Variants in SLC17A8 observed in about 807,000 individuals in gnomAD.
The protein encoded by SLC17A8 is vesicular glutamate transporter 3.
A neutral mutation model predicts 58.0 loss-of-function variants in SLC17A8; 31 were observed. The ratio of observed to expected loss-of-function variants is 0.53; its 90% CI spans 0.40 to 0.72. The LOEUF (loss-of-function observed/expected upper bound fraction) is 0.72, where lower values mean the gene tolerates loss of function less well. SLC17A8 is among the 30% of genes least tolerant of loss of function. SLC17A8 has a pLI of 0.00. For synonymous variants in SLC17A8, 228 were observed against 249.0 expected, an observed-to-expected ratio of 0.92 and a Z score of 0.79; for missense variants, 655 against 727.8, an observed-to-expected ratio of 0.90 and a Z score of 1.15.
rs143248116 is a variant in SLC17A8, at chr12:100,418,227, A to C, written c.1425+71A>C. 112 of 1,592,068 alleles carry C rather than the reference A, an allele frequency of 7.0e-5. 2 individuals are homozygous for C. The East Asian group carries it at 2.4e-3, about 34-fold the overall frequency. On this transcript the variant is annotated intron_variant, in intron 11 of 11. Transcript: ENST00000323346. ...GAGCTCTACACAAACTTGAGATTTCAAGGCTCTACTGCAGTCTGTAAATGT... is the reference window on the plus strand; with the variant it reads ...GAGCTCTACACAAACTTGAGATTTCCAGGCTCTACTGCAGTCTGTAAATGT...
intron 9 of SLC17A8, among the ~76,000 whole-genome samples, chr12:100,407,599 G>GTTTGTTTGT (rs71443520): frequency 6.7e-6 from 1 of 149,906 alleles, no homozygotes; most frequent in Non-Finnish European, 1.5e-5. Flanking sequence ...TTTTTTGTTT[G>GTTTGTTTGT]TTTGTTTTGT....
intron 9 of SLC17A8, among the ~76,000 whole-genome samples, chr12:100,411,723 T>A (rs141916599): frequency 0.013 from 1,922 of 152,274 alleles, 18 homozygotes; most frequent in Middle Eastern, 0.024. Context: ...GAGAAGGAAC[T>A]TCTTCATAAT....
chr12:100,360,078 G>A (rs947294301), intron 1 of SLC17A8, among the ~76,000 whole-genome samples: 6 of 152,152 alleles, frequency 3.9e-5, no homozygotes, highest in Middle Eastern at 3.2e-3. Flanking sequence ...TTGAGAGTTC[G>A]CACACAGGCT....
At chr12:100,391,170 AC>A in intron 3 of SLC17A8, 51 bp downstream of exon 3, 1 of 1,308,954 alleles carries the variant, frequency 7.6e-7, no homozygotes, top group Non-Finnish European at 1.1e-6. Flanking sequence ...GTGGCTTTGT[AC>A]CTATAAATTC....
rs983818434 is a variant in SLC17A8, at chr12:100,368,911, A to G, written c.101+11419A>G. ...CTTCTGCAAGGAAATATGTTGTATC[A>G]TTCAAAGTTCTTAGCTGCAATCAAC... On this transcript the variant is annotated intron_variant, in intron 1 of 11. Transcript: ENST00000323346. 2.6e-4 allele frequency among the ~76,000 whole-genome samples: 39 copies of G among 152,356 alleles called. 1 individual carries two copies. The highest frequency in any genetic ancestry group is 9.1e-4 in the African/African-American group (38 of 41,582).
rs1410390655 is a variant in SLC17A8 at position 100,386,741 on chromosome 12, T to G, written c.355-4260T>G. 4.0e-5 allele frequency among the ~76,000 whole-genome samples: 6 copies of G among 148,614 alleles called. No homozygotes were observed. In the East Asian group the frequency reaches 1.2e-3, roughly 30 times the overall value. ...TCTTACTCTGTCACCCAGGCTGGAG[T>G]GCAGTGGCACAATCTTGGCTCACTG... On this transcript the variant is annotated intron_variant, in intron 2 of 11. Transcript: ENST00000323346.
At chr12:100,400,142 C>T (rs569413006) in intron 5 of SLC17A8, among the ~76,000 whole-genome samples, 1 of 152,202 alleles carries the variant, frequency 6.6e-6, no homozygotes, top group South Asian at 2.1e-4. Context: ...CTCTACCTGC[C>T]CCTGTCCCAG....
At chr12:100,397,075 C>T (rs759170813) in intron 5 of SLC17A8, among the ~76,000 whole-genome samples, 1 of 152,154 alleles carries the variant, frequency 6.6e-6, no homozygotes, top group Non-Finnish European at 1.5e-5. Flanking sequence ...ATATGCTTTA[C>T]TAAATGCAGA....
chr12:100,359,151 A>C (rs1021819839), intron 1 of SLC17A8, among the ~76,000 whole-genome samples: 5 of 152,174 alleles, frequency 3.3e-5, no homozygotes, highest in Non-Finnish European at 5.9e-5. Context: ...TAAAAAAATA[A>C]AATAAATTTA....
intron 1 of SLC17A8, among the ~76,000 whole-genome samples, chr12:100,365,459 T>G (rs1566385541): frequency 6.6e-6 from 1 of 152,214 alleles, no homozygotes; most frequent in Admixed American, 6.5e-5. Context: ...CAGCCTAGAC[T>G]TGCTACAGAA....
intron 1 of SLC17A8, among the ~76,000 whole-genome samples, chr12:100,364,558 G>T (rs1418354977): frequency 1.3e-5 from 2 of 152,206 alleles, no homozygotes; most frequent in Non-Finnish European, 2.9e-5. Flanking sequence ...GAGGACGGAA[G>T]CTAGCTGACA....
At chr12:100,392,512 TTGTCTAATTTA>T (rs1952723946) in intron 3 of SLC17A8, among the ~76,000 whole-genome samples, 1 of 152,218 alleles carries the variant, frequency 6.6e-6, no homozygotes, top group African/African-American at 2.4e-5. Context: ...ATTTAGGTTC[TTGTCTAATTTA>T]TGTCTTTTAT....
At chr12:100,404,710 T>C (rs1952814760) in intron 9 of SLC17A8, among the ~76,000 whole-genome samples, 1 of 152,248 alleles carries the variant, frequency 6.6e-6, no homozygotes, top group East Asian at 1.9e-4. Context: ...AATTAACATT[T>C]ATTGAATGCT....
chr12:100,372,642 G>A (rs768105147), intron 1 of SLC17A8, among the ~76,000 whole-genome samples: 1 of 152,178 alleles, frequency 6.6e-6, no homozygotes, highest in Non-Finnish European at 1.5e-5. Context: ...GGTACTGGGG[G>A]TTAAGACTTC....
At chr12:100,379,416 C>T (rs935783326) in intron 1 of SLC17A8, among the ~76,000 whole-genome samples, 1 of 126,050 alleles carries the variant, frequency 7.9e-6, no homozygotes, top group Non-Finnish European at 1.6e-5. Context: ...AGCCTGGCAA[C>T]AGACCGAGAT....
At chr12:100,391,185 A>G in intron 3 of SLC17A8, 66 bp downstream of exon 3, 2 of 1,134,634 alleles carry the variant, frequency 1.8e-6, no homozygotes, top group South Asian at 2.5e-5. Context: ...TAAATTCTGC[A>G]TAGCTGGCTC....
intron 8 of SLC17A8, among the ~76,000 whole-genome samples, chr12:100,403,467 T>TC: frequency 7.6e-6 from 1 of 130,926 alleles, no homozygotes; most frequent in South Asian, 2.4e-4. Flanking sequence ...AGACTCTGTC[T>TC]AAAAAAAAAA....
At chr12:100,364,230 A>G (rs1218347649) in intron 1 of SLC17A8, among the ~76,000 whole-genome samples, 1 of 152,144 alleles carries the variant, frequency 6.6e-6, no homozygotes, top group Admixed American at 6.5e-5. Context: ...GAGAAATCAG[A>G]CACTGAATCC....
chr12:100,357,101 T>C lies in SLC17A8; in HGVS notation c.-291T>C, dbSNP rs546749373. The C allele has an allele frequency of 2.2e-4, 85 of 383,718 alleles. 2 individuals carry two copies. Among genetic ancestry groups the C allele is most frequent in the South Asian group, 1.3e-3 (60 of 46,360 alleles). The allele number at this position is 383,718 out of a possible 1,614,324, so 23.8% of individuals were successfully genotyped here. A position where few individuals can be genotyped will look rare whatever the true frequency, so the allele number is the denominator to read the frequency against. On this transcript the variant is annotated 5_prime_UTR_variant, in exon 1 of 12. Transcript: ENST00000323346. ...TCTGAGAGTGGCTGCCTGAGACAGC[T>C]GCCACAGGCTGCTGCAGAGCGTGCA... is the stretch of plus-strand genomic sequence containing the variant.
Sources: gnomAD v4.1 joint callset for allele counts (sites outside exome capture counted in the v4.1 genomes callset) on GRCh38, gnomAD v4.1.1 for gene constraint, MANE v1.5 for transcripts, NCBI Gene and HGNC (gene_info 2026-07-23, HGNC 2026-07-21) for gene names.